Variants in PDZD2 observed in about 807,000 individuals in gnomAD.
PDZD2 encodes the protein PDZ domain-containing protein 2.
A neutral mutation model predicts 220.7 loss-of-function variants in PDZD2; 90 were observed. That is an observed-to-expected ratio of 0.41 (90% CI 0.34 to 0.49). The LOEUF is 0.49. PDZD2 is among the 20% of genes least tolerant of loss of function. The pLI is 0.28. For missense variants in PDZD2, 3,174 were observed against 3,608.5 expected (o/e 0.88, Z 3.08); for synonymous variants, 1,375 against 1,450.5 (o/e 0.95, Z 1.18).
chr5:31,695,349 C>A (rs1039618777), intron 1 of PDZD2, among the ~76,000 whole-genome samples: 2 of 152,148 alleles, frequency 1.3e-5, no homozygotes, highest in Non-Finnish European at 1.5e-5. Flanking sequence ...TTTGATGCCA[C>A]ATTTCAAAAA....
intron 1 of PDZD2, among the ~76,000 whole-genome samples, chr5:31,781,427 C>G (rs1357351856): frequency 6.6e-6 from 1 of 152,142 alleles, no homozygotes; most frequent in East Asian, 1.9e-4. Context: ...AAAGCAACAA[C>G]AACAACAAAC....
At chr5:32,019,438 C>A (rs76504022) in intron 6 of PDZD2, among the ~76,000 whole-genome samples, 2,409 of 152,264 alleles carry the variant, frequency 0.016, 56 homozygotes, top group African/African-American at 0.056. Context: ...GCCACGTTTC[C>A]CAGCCAGAAA....
chr5:32,068,069 C>T (rs550636080), intron 14 of PDZD2, among the ~76,000 whole-genome samples: 3 of 151,924 alleles, frequency 2.0e-5, no homozygotes, highest in Non-Finnish European at 4.4e-5. Flanking sequence ...AAGTTATCAC[C>T]GATTATAAGA....
At chr5:32,092,045 G>A (rs1404231317) in intron 20 of PDZD2, among the ~76,000 whole-genome samples, 12 of 152,108 alleles carry the variant, frequency 7.9e-5, no homozygotes, top group Non-Finnish European at 1.6e-4. Context: ...AGGCTGAGCC[G>A]GGCAGATCAC....
intron 2 of PDZD2, among the ~76,000 whole-genome samples, chr5:31,850,134 GTA>G (rs1319840879): frequency 1.6e-4 from 12 of 74,654 alleles, no homozygotes; most frequent in African/African-American, 9.3e-4. Flanking sequence ...ATATGTGTGT[GTA>G]TATATATAAG....
chr5:31,850,069 T>C (rs1757921400), intron 2 of PDZD2, among the ~76,000 whole-genome samples: 1 of 140,222 alleles, frequency 7.1e-6, no homozygotes, highest in Non-Finnish European at 1.5e-5. Flanking sequence ...TATAAGTATA[T>C]ATATGTGTAT....
intron 2 of PDZD2, among the ~76,000 whole-genome samples, chr5:31,833,635 C>A (rs368501869): frequency 4.3e-3 from 548 of 126,080 alleles, no homozygotes; most frequent in Non-Finnish European, 5.2e-3. Context: ...GACCCTGTCT[C>A]AAAAAAAAAA....
At chr5:31,668,429 TG>T (rs1311534937) in intron 1 of PDZD2, among the ~76,000 whole-genome samples, 1 of 152,242 alleles carries the variant, frequency 6.6e-6, no homozygotes, top group African/African-American at 2.4e-5. Flanking sequence ...CAGGTCTCAT[TG>T]TCCCATAGAG....
At chr5:31,965,991 TCTC>T (rs201672590) in intron 2 of PDZD2, among the ~76,000 whole-genome samples, 2,721 of 152,244 alleles carry the variant, frequency 0.018, 39 homozygotes, top group Non-Finnish European at 0.026. Context: ...CTGCAGCCCT[TCTC>T]CTCATCCAAA....
At chr5:32,093,654 G>T (rs148112255) in intron 21 of PDZD2, among the ~76,000 whole-genome samples, 1 of 152,122 alleles carries the variant, frequency 6.6e-6, no homozygotes, top group Non-Finnish European at 1.5e-5. Context: ...TTACAACAAC[G>T]TAAGTTAGAG....
At chr5:31,974,692 G>T (rs910386169) in intron 2 of PDZD2, among the ~76,000 whole-genome samples, 1 of 152,202 alleles carries the variant, frequency 6.6e-6, no homozygotes, top group South Asian at 2.1e-4. Context: ...CTAAGCCCCA[G>T]TTCCTTCAGG....
intron 2 of PDZD2, among the ~76,000 whole-genome samples, chr5:31,853,135 G>T (rs969857851): frequency 6.6e-6 from 1 of 152,224 alleles, no homozygotes; most frequent in South Asian, 2.1e-4. Context: ...TGGGAAAAGG[G>T]AAGGGGGTGG....
intron 1 of PDZD2, among the ~76,000 whole-genome samples, chr5:31,787,276 C>A (rs1268297619): frequency 6.6e-6 from 1 of 152,218 alleles, no homozygotes; most frequent in Non-Finnish European, 1.5e-5. Flanking sequence ...TGCCCTCTTT[C>A]CTCAATTAGT....
intron 1 of PDZD2, among the ~76,000 whole-genome samples, chr5:31,664,012 C>T (rs979624824): frequency 6.6e-6 from 1 of 152,166 alleles, no homozygotes; most frequent in African/African-American, 2.4e-5. Context: ...AACAAATGTT[C>T]ACTTAATATC....
intron 6 of PDZD2, among the ~76,000 whole-genome samples, chr5:32,011,243 C>T (rs1235082231): frequency 6.6e-6 from 1 of 151,812 alleles, no homozygotes; most frequent in African/African-American, 2.4e-5. Context: ...AACCCCAGCA[C>T]CTTGGGAGGC....
intron 2 of PDZD2, among the ~76,000 whole-genome samples, chr5:31,977,343 C>T (rs970029191): frequency 2.0e-5 from 3 of 152,204 alleles, no homozygotes; most frequent in African/African-American, 7.2e-5. Context: ...AACTATACAG[C>T]TGCCTCAAGC....
At chr5:32,074,792 C>A (rs994715931) in intron 18 of PDZD2, 149 bp downstream of exon 18, 4 of 615,108 alleles carry the variant, frequency 6.5e-6, no homozygotes, top group Non-Finnish European at 1.1e-5. Flanking sequence ...CACTTAAATA[C>A]CTGGACTGCT....
At chr5:32,011,930 G>A (rs545335408) in intron 6 of PDZD2, among the ~76,000 whole-genome samples, 23 of 152,206 alleles carry the variant, frequency 1.5e-4, no homozygotes, top group South Asian at 4.1e-4. Context: ...TATTATAACC[G>A]TTTTCTGAAG....
intron 18 of PDZD2, among the ~76,000 whole-genome samples, chr5:32,076,288 G>GAAAAA (rs67898034): frequency 4.0e-3 from 351 of 87,166 alleles, no homozygotes; most frequent in Non-Finnish European, 4.9e-3. Flanking sequence ...TCGGTCTCAA[G>GAAAAA]AAAAAAAAAA....
Sources: allele counts gnomAD v4.1 joint callset (sites outside exome capture counted in the v4.1 genomes callset), GRCh38; gene constraint gnomAD v4.1.1; transcripts MANE v1.5; gene names NCBI Gene and HGNC (gene_info 2026-07-23, HGNC 2026-07-21).